The following VIRMA variants were observed in gnomAD, a reference collection of about 807,000 sequenced individuals.
VIRMA encodes the protein vir like m6A methyltransferase associated, also known as protein virilizer homolog.
Under a neutral mutation model 182.4 loss-of-function variants are expected in VIRMA, and 65 were observed. The observed-to-expected ratio is 0.36, with a 90% confidence interval of 0.29 to 0.44. The LOEUF is 0.44. Among genes scored for constraint, VIRMA ranks in the 20% least tolerant of loss-of-function variants. The pLI, the probability that VIRMA is intolerant of heterozygous loss-of-function variation, is 1.00. For synonymous variants in VIRMA, 709 were observed against 743.1 expected, an observed-to-expected ratio of 0.95 and a Z score of 0.75; for missense variants, 1,752 against 2,158.1, an observed-to-expected ratio of 0.81 and a Z score of 3.73.
rs1414966569 is a variant in VIRMA, at chr8:94,511,571, T to C, written c.3004A>G (p.Thr1002Ala). The change falls in exon 13 of 24, where the codon ACT (threonine) becomes GCT (alanine). Residue 1002 changes from threonine to alanine, a missense_variant. Physicochemically the swap from Thr to Ala is moderately conservative, Grantham distance 58 (BLOSUM62 0). This residue lies in a region of VIRMA where 777 missense variants were observed against 920.6 expected (regional missense o/e 0.84). Transcript: ENST00000297591. ...AGTGTGCAGCGAGCCATTGAAATAG[T>C]AGTAACTCTGTGAAGGGTAGTCCCC... ...NMGTTLHRVTTISMARCTLTL... is the reference protein window; with the variant it reads ...NMGTTLHRVTAISMARCTLTL... 3.1e-6 allele frequency: 5 copies of C among 1,614,138 alleles called. No individual in the cohort carries two copies. The highest frequency in any genetic ancestry group is 3.4e-6 in the Non-Finnish European group (4 of 1,180,002).
chr8:94,500,664 T>C (rs1358902765), intron 16 of VIRMA, among the ~76,000 whole-genome samples: 6 of 150,858 alleles, frequency 4.0e-5, no homozygotes, highest in Non-Finnish European at 8.9e-5. Context: ...TCTTTTTTTT[T>C]TTTTTTTTTG....
At chr8:94,551,742 C>T (rs1213627511) in intron 1 of VIRMA, among the ~76,000 whole-genome samples, 1 of 152,126 alleles carries the variant, frequency 6.6e-6, no homozygotes, top group South Asian at 2.1e-4. Context: ...TTCTTCCTTT[C>T]GAGACAGGGT....
In VIRMA at chr8:94,529,135, TCTA is replaced by T. The variant is rs1476220764; in HGVS notation, c.812_814del (p.Val271del). 6.8e-7 allele frequency: 1 copy of T among 1,473,048 alleles called. No individual in the cohort carries two copies. The highest frequency in any genetic ancestry group is 9.5e-7 in the Non-Finnish European group (1 of 1,052,630). The allele number at this position is 1,473,048 out of a possible 1,614,324, so 91.2% of individuals were successfully genotyped here. ...TTCCTCTTCCTCCTCAGGAATACTGTCTACTGTTCGTCGATCATCCTCATCCTC... is the reference window on the plus strand; with the variant it reads ...TTCCTCTTCCTCCTCAGGAATACTGTCTGTTCGTCGATCATCCTCATCCTC... On this transcript the variant is annotated inframe_deletion, in exon 7 of 24. Transcript: ENST00000297591.
intron 5 of VIRMA, among the ~76,000 whole-genome samples, chr8:94,531,396 A>G (rs1815167435): frequency 6.6e-6 from 1 of 152,250 alleles, no homozygotes; most frequent in Admixed American, 6.5e-5. Flanking sequence ...ATGAATGGAA[A>G]AAATACTTTT....
intron 3 of VIRMA, among the ~76,000 whole-genome samples, chr8:94,537,863 C>A (rs1468721653): frequency 6.6e-6 from 1 of 152,020 alleles, no homozygotes; most frequent in African/African-American, 2.4e-5. Context: ...TTTCATTTTA[C>A]AAAATGTGGC....
intron 11 of VIRMA, among the ~76,000 whole-genome samples, chr8:94,513,614 G>T (rs1814451581): frequency 6.6e-6 from 1 of 152,012 alleles, no homozygotes; most frequent in Admixed American, 6.6e-5. Context: ...ATGGGATAAA[G>T]ATTTACATAA....
chr8:94,492,560 C>T, intron 21 of VIRMA, 92 bp downstream of exon 21: 1 of 1,125,828 alleles, frequency 8.9e-7, no homozygotes, highest in Non-Finnish European at 1.3e-6. Context: ...GCGTGAGCCA[C>T]CGCGCTCGGC....
At chr8:94,521,541 TTTAATTA>T (rs1814770021) in intron 8 of VIRMA, among the ~76,000 whole-genome samples, 1 of 152,202 alleles carries the variant, frequency 6.6e-6, no homozygotes, top group Non-Finnish European at 1.5e-5. Context: ...CTTCTTAATT[TTTAATTA>T]TTAAGAATAT....
Position 94,526,750 on chromosome 8 carries a change from A to G in VIRMA, c.1494T>C (p.Ser498=), listed in dbSNP as rs745507920. 2.5e-6 allele frequency: 4 copies of G among 1,614,056 alleles called. No homozygotes were observed. In the East Asian group the frequency reaches 6.7e-5, roughly 27 times the overall value. Residue 498 remains serine, a synonymous_variant, in exon 8 of 24, where the codon TCT becomes TCC. Transcript: ENST00000297591. ...AAGCTTTAAAAGCATTTAACTTAAGAGAAGATGATACGTGATCAGCAAACA... is the reference window on the plus strand; with the variant it reads ...AAGCTTTAAAAGCATTTAACTTAAGGGAAGATGATACGTGATCAGCAAACA... ...ELLFADHVSS[S]LKLNAFKALD...
Position 94,496,416 on chromosome 8 carries a change from C to G in VIRMA, c.4295G>C (p.Ser1432Thr). ...CTGTTTTAACTCTGCAGCATTAATA[C>G]TCATCGTCCGTGATGTATGAGCTCC... Reference protein sequence around the residue: ...VEGAHTSRTMSINAAELKQLL... With the variant: ...VEGAHTSRTMTINAAELKQLL... The change falls in exon 18 of 24, where the codon AGT becomes ACT. Residue 1432 changes from serine to threonine, a missense_variant. Around this residue, in one of 11 missense-constraint regions of VIRMA, gnomAD observed 777 missense variants for 920.6 expected, o/e 0.84. Coordinates refer to ENST00000297591, the MANE Select transcript of VIRMA (RefSeq NM_015496.5). The G allele has an allele frequency of 6.2e-7, 1 of 1,613,576 alleles. No individual in the cohort carries two copies. The highest frequency in any genetic ancestry group is 1.3e-5 in the African/African-American group (1 of 75,040).
At chr8:94,502,952 A>G (rs1360124019) in intron 16 of VIRMA, among the ~76,000 whole-genome samples, 1 of 152,206 alleles carries the variant, frequency 6.6e-6, no homozygotes, top group African/African-American at 2.4e-5. Flanking sequence ...GAACAACAAA[A>G]TAAGTAAGGA....
rs184493015 is a variant in VIRMA at position 94,549,696 on chromosome 8, G to C, written c.63+3689C>G. Among the ~76,000 whole-genome samples, 247 of 152,318 alleles carry C rather than the reference G, an allele frequency of 1.6e-3. 6 individuals carry two copies. Among genetic ancestry groups the C allele is most frequent in the Admixed American group, 4.8e-3 (73 of 15,292 alleles). ...ACAGCATAGCACTGCCTTAGAGCCAGAAAAATGTATGATGGTGGATCTTAA... is the reference window on the plus strand; with the variant it reads ...ACAGCATAGCACTGCCTTAGAGCCACAAAAATGTATGATGGTGGATCTTAA... On this transcript the variant is annotated intron_variant, in intron 1 of 23. Coordinates refer to ENST00000297591, the MANE Select transcript of VIRMA (RefSeq NM_015496.5).
intron 1 of VIRMA, among the ~76,000 whole-genome samples, chr8:94,547,796 G>A (rs1361743269): frequency 6.7e-6 from 1 of 149,852 alleles, no homozygotes; most frequent in Non-Finnish European, 1.5e-5. Context: ...ACTTTGGGAG[G>A]CCAAGACAGA....
At chr8:94,534,510 A>G (rs957191603) in intron 5 of VIRMA, 1 of 347,650 alleles carries the variant, frequency 2.9e-6, no homozygotes, top group African/African-American at 2.1e-5. Context: ...TCAAGTCTTA[A>G]GCAAGGTTCA....
At chr8:94,538,425 A>G in intron 2 of VIRMA, 79 bp from the exon 3 acceptor site, 1 of 847,102 alleles carries the variant, frequency 1.2e-6, no homozygotes, top group South Asian at 1.5e-5. Context: ...TAGTAAGTAC[A>G]AAGTTAAGAG....
chr8:94,502,237 G>A (rs1366339906), intron 16 of VIRMA, among the ~76,000 whole-genome samples: 1 of 151,860 alleles, frequency 6.6e-6, no homozygotes. Flanking sequence ...GCAAATGAAG[G>A]AGGATCAGGA....
chr8:94,494,898 G>C lies in VIRMA; in HGVS notation c.4603C>G (p.Pro1535Ala). ...DDQLKSMWFT[P>A]FQAEEIDTDL... ...GTATCTATCTCTTCAGCCTGAAATG[G>C]AGTGAACCACATAGATTTCAACTGA... is the stretch of plus-strand genomic sequence containing the variant. Residue 1535 changes from proline to alanine, a missense_variant, in exon 20 of 24, where the codon CCA becomes GCA. Transcript: ENST00000297591. The C allele has an allele frequency of 6.2e-7, 1 of 1,610,410 alleles. No homozygotes were observed. Among genetic ancestry groups the C allele is most frequent in the South Asian group, 1.1e-5 (1 of 90,902 alleles).
In VIRMA at chr8:94,529,133, T is replaced by C. The variant is rs1167077985; in HGVS notation, c.817A>G (p.Ser273Gly). ...EDEDDRRTVD[S>G]IPEEEEEDEE... Reference sequence around the variant, plus strand: ...TCTTCCTCTTCCTCCTCAGGAATACTGTCTACTGTTCGTCGATCATCCTCA... The same window carrying C: ...TCTTCCTCTTCCTCCTCAGGAATACCGTCTACTGTTCGTCGATCATCCTCA... The change falls in exon 7 of 24, where the codon AGT becomes GGT. Residue 273 changes from serine to glycine, a missense_variant. Coordinates refer to ENST00000297591, the MANE Select transcript of VIRMA (RefSeq NM_015496.5). The C allele has an allele frequency of 6.8e-7, 1 of 1,479,332 alleles. No individual in the cohort carries two copies. Among genetic ancestry groups the C allele is most frequent in the African/African-American group, 1.4e-5 (1 of 72,098 alleles). 91.6% of individuals were successfully genotyped at this position (1,479,332 alleles called of 1,614,324 possible).
At chr8:94,494,489 G>A (rs1348344006) in intron 20 of VIRMA, among the ~76,000 whole-genome samples, 1 of 150,624 alleles carries the variant, frequency 6.6e-6, no homozygotes. Context: ...CTACTCAGGA[G>A]GCTGAGGCAG....
Sources: allele counts gnomAD v4.1 joint callset (sites outside exome capture counted in the v4.1 genomes callset), GRCh38; gene constraint gnomAD v4.1.1; regional missense constraint gnomAD v4.1.1; transcripts MANE v1.5; gene names NCBI Gene and HGNC (gene_info 2026-07-23, HGNC 2026-07-21).